The following KDM4B variants were observed in gnomAD, a reference collection of about 807,000 sequenced individuals.
KDM4B encodes the protein lysine-specific demethylase 4B.
KDM4B carries 32 observed loss-of-function variants against 125.2 expected under a neutral mutation model. The ratio of observed to expected loss-of-function variants is 0.26; its 90% CI spans 0.19 to 0.34. The LOEUF is 0.34. Among genes scored for constraint, KDM4B ranks in the 10% least tolerant of loss-of-function variants. The pLI is 1.00. For synonymous variants in KDM4B, 721 were observed against 677.9 expected (o/e 1.06, Z -0.99); for missense variants, 1,190 against 1,577.7 (o/e 0.75, Z 4.16).
chr19:5,137,217 T>G, intron 15 of KDM4B, 45 bp from the exon 16 acceptor site: 2 of 1,470,078 alleles, frequency 1.4e-6, no homozygotes, highest in Non-Finnish European at 9.3e-7. Context: ...GCTCCCCAAG[T>G]CTCACCTGCC....
intron 9 of KDM4B, among the ~76,000 whole-genome samples, chr19:5,108,581 G>T (rs1338847780): frequency 1.3e-5 from 2 of 152,180 alleles, no homozygotes; most frequent in Admixed American, 1.3e-4. Context: ...GTGTCTCCAA[G>T]CAAAGTGTGG....
intron 9 of KDM4B, among the ~76,000 whole-genome samples, chr19:5,086,162 G>A (rs1438512483): frequency 6.6e-6 from 1 of 152,040 alleles, no homozygotes; most frequent in East Asian, 1.9e-4. Context: ...CTTGTTGGCT[G>A]TTCACCTTCC....
intron 2 of KDM4B, among the ~76,000 whole-genome samples, chr19:5,030,290 C>T (rs1305638643): frequency 6.6e-6 from 1 of 152,152 alleles, no homozygotes; most frequent in Non-Finnish European, 1.5e-5. Flanking sequence ...TCGTACAGAG[C>T]ACAAGTTTGA....
chr19:4,992,907 A>C (rs1162839241), intron 1 of KDM4B, among the ~76,000 whole-genome samples: 2 of 152,196 alleles, frequency 1.3e-5, no homozygotes, highest in African/African-American at 2.4e-5. Context: ...GTTGATTTCT[A>C]ATTTCCATTG....
intron 9 of KDM4B, among the ~76,000 whole-genome samples, chr19:5,108,358 A>T (rs932930304): frequency 1.3e-5 from 2 of 152,172 alleles, no homozygotes; most frequent in African/African-American, 4.8e-5. Context: ...AAATGAATTG[A>T]GTTTGCTGGG....
chr19:5,072,019 G>A (rs1192639914), intron 7 of KDM4B, among the ~76,000 whole-genome samples: 2 of 152,128 alleles, frequency 1.3e-5, no homozygotes, highest in Non-Finnish European at 2.9e-5. Context: ...GGCCCTGTCC[G>A]AGCACCCCGC....
intron 11 of KDM4B, among the ~76,000 whole-genome samples, chr19:5,122,924 G>C (rs939293335): frequency 6.6e-6 from 1 of 152,236 alleles, no homozygotes; most frequent in Admixed American, 6.5e-5. Context: ...GCGTGAGTCC[G>C]GCTGCATTGG....
intron 2 of KDM4B, among the ~76,000 whole-genome samples, chr19:5,019,516 GTTGGTGTGCACGTA>G (rs2036015123): frequency 6.8e-6 from 1 of 148,048 alleles, no homozygotes; most frequent in Non-Finnish European, 1.5e-5. Flanking sequence ...TGGTGTGGGT[GTTGGTGTGCACGTA>G]TTGGTGTGCA....
chr19:5,087,949 G>A (rs905272768), intron 9 of KDM4B, among the ~76,000 whole-genome samples: 2 of 152,170 alleles, frequency 1.3e-5, no homozygotes, highest in African/African-American at 4.8e-5. Flanking sequence ...GGGCAGCACA[G>A]GTTTAAGTCT....
intron 9 of KDM4B, among the ~76,000 whole-genome samples, chr19:5,084,324 A>G (rs1276194917): frequency 1.4e-5 from 2 of 145,518 alleles, no homozygotes; most frequent in Admixed American, 7.0e-5. Context: ...TAATTTATAT[A>G]TTGTATATAA....
chr19:5,089,901 G>A (rs1333720461), intron 9 of KDM4B, among the ~76,000 whole-genome samples: 2 of 152,202 alleles, frequency 1.3e-5, no homozygotes, highest in African/African-American at 4.8e-5. Context: ...GCCAAGCGCA[G>A]TGACTCATGC....
At chr19:5,040,621 C>T (rs1316562368) in intron 4 of KDM4B, among the ~76,000 whole-genome samples, 1 of 152,158 alleles carries the variant, frequency 6.6e-6, no homozygotes, top group African/African-American at 2.4e-5. Flanking sequence ...TCAGCAGGCA[C>T]AGCCACGTAG....
rs1270918189 is a variant in KDM4B, at chr19:5,114,313, C to T, written c.1115+3495C>T. 11 of 1,069,022 alleles carry T rather than the reference C, an allele frequency of 1.0e-5. No individual in the cohort carries two copies. The East Asian group carries it at 1.8e-4, about 17-fold the overall frequency. The allele number at this position is 1,069,022 out of a possible 1,614,324, so 66.2% of individuals were successfully genotyped here. On this transcript the variant is annotated intron_variant, in intron 10 of 22. Coordinates refer to ENST00000159111, the MANE Select transcript of KDM4B (RefSeq NM_015015.3). The surrounding 1 kb of genome is among the most constrained non-coding windows in gnomAD (Gnocchi z 5.8). ...TGTGAGCCCGGCTGGGCCCAGGCCT[C>T]GTCTCCCCTACCCCTCCGAGCTCGG...
At chr19:5,086,989 G>T (rs2038523601) in intron 9 of KDM4B, among the ~76,000 whole-genome samples, 1 of 152,248 alleles carries the variant, frequency 6.6e-6, no homozygotes, top group Non-Finnish European at 1.5e-5. Flanking sequence ...TTGGACCAGA[G>T]CCTCCGGGTG....
intron 16 of KDM4B, 36 bp downstream of exon 16, chr19:5,137,374 G>A: frequency 6.5e-7 from 1 of 1,536,440 alleles, no homozygotes; most frequent in Non-Finnish European, 8.8e-7. Context: ...GGTGCTCTGA[G>A]AGGCCTGGGC....
rs527772452 is a variant in KDM4B, at chr19:5,116,097, C to T, written c.1116-3556C>T. Reference sequence around the variant, plus strand: ...GAAAGCTTCCAGAGCAAACAGATCACATAAACAGCTCACCAGACTGGGGCT... The same window carrying T: ...GAAAGCTTCCAGAGCAAACAGATCATATAAACAGCTCACCAGACTGGGGCT... On this transcript the variant is annotated intron_variant, in intron 10 of 22. Coordinates refer to ENST00000159111, the MANE Select transcript of KDM4B (RefSeq NM_015015.3). Among the ~76,000 whole-genome samples, 3 of 152,106 alleles carry T rather than the reference C, an allele frequency of 2.0e-5. No individual in the cohort carries two copies. In the East Asian group the frequency reaches 5.8e-4, roughly 29 times the overall value.
At position 5,070,704 on chromosome 19, in the gene KDM4B, A is replaced by C. The variant is rs537992263; in HGVS notation, c.627-306A>C. ...CAATACTTTTGTTTTTTGCCTTTTC[A>C]GCCTCCTCGAGGTGGAGTGCCGCTT... is the stretch of plus-strand genomic sequence containing the variant. On this transcript the variant is annotated intron_variant, in intron 6 of 22. Coordinates refer to ENST00000159111, the MANE Select transcript of KDM4B (RefSeq NM_015015.3). 29 of 291,260 alleles carry C rather than the reference A, an allele frequency of 1.0e-4. No homozygotes were observed. The Admixed American group carries it at 1.3e-3, about 13-fold the overall frequency. The allele number at this position is 291,260 out of a possible 1,614,324, so 18.0% of individuals were successfully genotyped here. A position where few individuals can be genotyped will look rare whatever the true frequency, so the allele number is the denominator to read the frequency against.
At chr19:5,063,765 G>A (rs146159701) in intron 6 of KDM4B, among the ~76,000 whole-genome samples, 110 of 152,368 alleles carry the variant, frequency 7.2e-4, no homozygotes, top group South Asian at 1.2e-3. Context: ...CATAGAAGGC[G>A]CTCAGAGAAC....
intron 10 of KDM4B, among the ~76,000 whole-genome samples, chr19:5,117,985 A>G (rs2146010968): frequency 6.6e-6 from 1 of 152,110 alleles, no homozygotes; most frequent in African/African-American, 2.4e-5. Context: ...GGCGCCCCAG[A>G]AGCCAGCATG....
Sources: allele counts gnomAD v4.1 joint callset (sites outside exome capture counted in the v4.1 genomes callset), GRCh38; gene constraint gnomAD v4.1.1; non-coding constraint Gnocchi (gnomAD v3.1); transcripts MANE v1.5; gene names NCBI Gene and HGNC (gene_info 2026-07-23, HGNC 2026-07-21).